The following ULK4 variants were observed in gnomAD, a reference collection of about 807,000 sequenced individuals.
The protein encoded by ULK4 is unc-51 like kinase 4.
ULK4 carries 133 observed loss-of-function variants against 160.6 expected under a neutral mutation model. The observed-to-expected ratio is 0.83, with a 90% CI of 0.72 to 0.96. The LOEUF (loss-of-function observed/expected upper bound fraction) is 0.96, where lower values mean the gene tolerates loss of function less well. Among genes scored for constraint, ULK4 ranks in the 40% least tolerant of loss-of-function variants. The pLI is 0.00. For synonymous variants in ULK4, 534 were observed against 539.8 expected (o/e 0.99, Z 0.15); for missense variants, 1,580 against 1,499.5 (o/e 1.05, Z -0.89).
chr3:41,909,520 G>A (rs1698699021), intron 11 of ULK4, among the ~76,000 whole-genome samples: 3 of 151,206 alleles, frequency 2.0e-5, no homozygotes, highest in Non-Finnish European at 4.4e-5. Flanking sequence ...GAGGCCAGCT[G>A]GGCAACTCGG....
intron 32 of ULK4, among the ~76,000 whole-genome samples, chr3:41,553,963 C>T (rs556668368): frequency 6.6e-6 from 1 of 152,152 alleles, no homozygotes; most frequent in East Asian, 1.9e-4. Flanking sequence ...TTAGCCATCC[C>T]CACTTCCCCC....
intron 18 of ULK4, among the ~76,000 whole-genome samples, chr3:41,824,163 TAA>T (rs78604753): frequency 2.4e-4 from 28 of 117,738 alleles, no homozygotes; most frequent in Admixed American, 3.4e-4. Flanking sequence ...ACTCTATCTT[TAA>T]AAAAAAAAAA....
At chr3:41,947,098 C>A (rs1342362968) in intron 2 of ULK4, among the ~76,000 whole-genome samples, 1 of 152,054 alleles carries the variant, frequency 6.6e-6, no homozygotes, top group Non-Finnish European at 1.5e-5. Context: ...GAGGCCGAGG[C>A]GGGAGGATCA....
rs1290019127 is a variant in ULK4 at position 41,681,501 on chromosome 3, T to C, written c.2978+7A>G. ...TCTCTGCATGAATACAACTGCATGA[T>C]ACTTACTGGGGAAGTAAGACATCTC... On this transcript the variant is annotated splice_region_variant and intron_variant, in intron 29 of 36. Coordinates refer to ENST00000301831, the MANE Select transcript of ULK4 (RefSeq NM_017886.4). The C allele has an allele frequency of 6.2e-7, 1 of 1,613,912 alleles. No homozygotes were observed. The highest frequency in any genetic ancestry group is 1.7e-5 in the Admixed American group (1 of 59,984).
At chr3:41,433,224 CTAAT>C (rs771696308) in intron 34 of ULK4, among the ~76,000 whole-genome samples, 4 of 152,040 alleles carry the variant, frequency 2.6e-5, no homozygotes, top group Admixed American at 6.6e-5. Flanking sequence ...ACACAAATGA[CTAAT>C]TAACCTACAA....
intron 18 of ULK4, among the ~76,000 whole-genome samples, chr3:41,831,531 A>ATATATATATATATATTTTTTTTTTT: frequency 1.4e-5 from 2 of 138,056 alleles, no homozygotes; most frequent in African/African-American, 5.7e-5. Context: ...ATATATATAT[A>ATATATATATATATATTTTTTTTTTT]TTTTTTTTTC....
intron 31 of ULK4, 90 bp downstream of exon 31, chr3:41,615,579 C>A: frequency 3.9e-6 from 5 of 1,269,042 alleles, no homozygotes; most frequent in Non-Finnish European, 5.6e-6. Flanking sequence ...AGGGCAGAGG[C>A]AGGGTTAGCA....
At chr3:41,882,836 C>G (rs921247898) in intron 17 of ULK4, among the ~76,000 whole-genome samples, 1 of 152,096 alleles carries the variant, frequency 6.6e-6, no homozygotes. Context: ...TCAGAAGGAA[C>G]CCCCATTTTT....
intron 34 of ULK4, among the ~76,000 whole-genome samples, chr3:41,444,906 T>A (rs561239927): frequency 6.6e-6 from 1 of 152,218 alleles, no homozygotes; most frequent in South Asian, 2.1e-4. Context: ...TAAAGGGTAT[T>A]CAATTAAGAA....
At chr3:41,736,137 T>C (rs1460694089) in intron 22 of ULK4, among the ~76,000 whole-genome samples, 5 of 151,692 alleles carry the variant, frequency 3.3e-5, no homozygotes, top group African/African-American at 1.2e-4. Context: ...TTGTGAATAA[T>C]GCCACAATAA....
intron 17 of ULK4, among the ~76,000 whole-genome samples, chr3:41,869,782 T>C (rs920198465): frequency 6.6e-6 from 1 of 152,188 alleles, no homozygotes; most frequent in African/African-American, 2.4e-5. Flanking sequence ...GAAAAATTGT[T>C]TATTTTCCAA....
At chr3:41,640,054 T>A (rs192462443) in intron 30 of ULK4, among the ~76,000 whole-genome samples, 2 of 152,172 alleles carry the variant, frequency 1.3e-5, no homozygotes, top group Non-Finnish European at 2.9e-5. Flanking sequence ...TGATGGCCCA[T>A]AAAAGCTTGT....
At chr3:41,611,702 T>C (rs1350381980) in intron 31 of ULK4, among the ~76,000 whole-genome samples, 1 of 152,116 alleles carries the variant, frequency 6.6e-6, no homozygotes, top group East Asian at 1.9e-4. Context: ...CTGTAGCCAA[T>C]CAGCCTGCCT....
intron 22 of ULK4, among the ~76,000 whole-genome samples, chr3:41,733,176 T>C (rs1013450503): frequency 2.6e-5 from 4 of 152,086 alleles, no homozygotes; most frequent in Admixed American, 6.6e-5. Context: ...AATTTGATCA[T>C]TACACAGTGT....
At chr3:41,769,042 A>C (rs114690643) in intron 21 of ULK4, among the ~76,000 whole-genome samples, 1 of 152,222 alleles carries the variant, frequency 6.6e-6, no homozygotes, top group Non-Finnish European at 1.5e-5. Flanking sequence ...TGCAAAATTA[A>C]AATAGTATGC....
At chr3:41,534,434 G>A (rs548486467) in intron 32 of ULK4, among the ~76,000 whole-genome samples, 24 of 147,356 alleles carry the variant, frequency 1.6e-4, no homozygotes, top group African/African-American at 6.0e-4. Context: ...GTTAATAATG[G>A]ATATTTTTCA....
In ULK4 at chr3:41,566,060, C is replaced by T; in HGVS notation, c.3191G>A (p.Cys1064Tyr). 1 of 1,613,746 alleles carries T rather than the reference C, an allele frequency of 6.2e-7. No homozygotes were observed. The highest frequency in any genetic ancestry group is 8.5e-7 in the Non-Finnish European group (1 of 1,179,914). ...AAGTAGTTCCATATTCGAATCTTTG[C>T]AGGCAACTAGATTGCTGAGTAATGC... ...VIALLSNLVA[C>Y]KDSNMELLYE... The change falls in exon 32 of 37, where the codon TGC becomes TAC. Residue 1064 changes from cysteine to tyrosine, a missense_variant. Physicochemically the swap from Cys to Tyr is radical, Grantham distance 194. Coordinates refer to ENST00000301831, the MANE Select transcript of ULK4 (RefSeq NM_017886.4).
At chr3:41,681,218 C>T (rs1026324299) in intron 29 of ULK4, among the ~76,000 whole-genome samples, 5 of 152,122 alleles carry the variant, frequency 3.3e-5, no homozygotes, top group Non-Finnish European at 7.4e-5. Flanking sequence ...ATAACCCTCA[C>T]CCCTTGAGCC....
intron 30 of ULK4, among the ~76,000 whole-genome samples, chr3:41,636,716 A>G (rs2033965503): frequency 6.6e-6 from 1 of 152,016 alleles, no homozygotes; most frequent in Non-Finnish European, 1.5e-5. Flanking sequence ...TTAACTCGTC[A>G]TTTAGCATTA....
Sources: gnomAD v4.1 joint callset for allele counts (sites outside exome capture counted in the v4.1 genomes callset) on GRCh38, gnomAD v4.1.1 for gene constraint, MANE v1.5 for transcripts, NCBI Gene and HGNC (gene_info 2026-07-23, HGNC 2026-07-21) for gene names.